The following SUCLG2 variants were observed in gnomAD, a reference collection of about 807,000 sequenced individuals.
SUCLG2 encodes succinate--CoA ligase [GDP-forming] subunit beta, mitochondrial.
SUCLG2 carries 42 observed loss-of-function variants against 47.9 expected under a neutral mutation model. The ratio of observed to expected loss-of-function variants is 0.88; its 90% CI spans 0.69 to 1.14. The LOEUF is 1.14. Among genes scored for constraint, SUCLG2 ranks in the 50% most tolerant of loss-of-function variants. The probability of loss-of-function intolerance (pLI) is 0.00; values close to 1 mark genes in which losing one functional copy is unlikely to be tolerated. For missense variants in SUCLG2, 571 were observed against 525.9 expected (o/e 1.09, Z -0.84); for synonymous variants, 195 against 197.3 (o/e 0.99, Z 0.10).
intron 9 of SUCLG2, among the ~76,000 whole-genome samples, chr3:67,464,038 T>G (rs1704404110): frequency 6.6e-6 from 1 of 152,248 alleles, no homozygotes; most frequent in Non-Finnish European, 1.5e-5. Context: ...TTTTCTCTTG[T>G]GACATACTAT....
chr3:67,627,391 T>C (rs1169651547), intron 1 of SUCLG2, among the ~76,000 whole-genome samples: 5 of 152,236 alleles, frequency 3.3e-5, no homozygotes, highest in African/African-American at 7.2e-5. Context: ...AAAATACTTT[T>C]ACTTGGATAT....
intron 1 of SUCLG2, among the ~76,000 whole-genome samples, chr3:67,620,643 C>A (rs116225090): frequency 0.027 from 4,038 of 150,678 alleles, 82 homozygotes; most frequent in Middle Eastern, 0.062. Flanking sequence ...ACATGATGAG[C>A]TGTGCAGGCC....
At chr3:67,515,874 T>C (rs985377254) in intron 6 of SUCLG2, among the ~76,000 whole-genome samples, 15 of 152,138 alleles carry the variant, frequency 9.9e-5, no homozygotes, top group African/African-American at 3.6e-4. Flanking sequence ...CCTTCTACTG[T>C]AGAAATACAC....
At chr3:67,531,966 G>C (rs2107153249) in intron 2 of SUCLG2, among the ~76,000 whole-genome samples, 1 of 151,928 alleles carries the variant, frequency 6.6e-6, no homozygotes, top group African/African-American at 2.4e-5. Context: ...TCAAATTTCT[G>C]TTTTTATTTA....
intron 9 of SUCLG2, among the ~76,000 whole-genome samples, chr3:67,429,014 T>A (rs11925124): frequency 0.029 from 4,377 of 152,204 alleles, 210 homozygotes; most frequent in African/African-American, 0.1. Context: ...GGAACCAAGT[T>A]GGAAAACACT....
At chr3:67,605,455 T>G (rs1700391978) in intron 2 of SUCLG2, among the ~76,000 whole-genome samples, 1 of 152,132 alleles carries the variant, frequency 6.6e-6, no homozygotes, top group African/African-American at 2.4e-5. Flanking sequence ...TCCCCTTAGA[T>G]CAAAACTATT....
At position 67,374,873 on chromosome 3, in the gene SUCLG2, A is replaced by G. The variant is rs895715837; in HGVS notation, c.*871T>C. The G allele has an allele frequency of 2.0e-5, 20 of 985,256 alleles. No individual in the cohort carries two copies. The African/African-American group carries it at 3.1e-4, about 16-fold the overall frequency. 61.0% of individuals were successfully genotyped at this position (985,256 alleles called of 1,614,324 possible). On this transcript the variant is annotated 3_prime_UTR_variant, in exon 11 of 11. Coordinates refer to ENST00000307227, the MANE Select transcript of SUCLG2 (RefSeq NM_003848.4). ...AATAAGGTTCCCATCTTTCTACCAT[A>G]AACTGGTAGATTCTGGGAGGATGAG...
intron 2 of SUCLG2, among the ~76,000 whole-genome samples, chr3:67,549,402 A>G (rs767914398): frequency 6.6e-6 from 1 of 152,246 alleles, no homozygotes; most frequent in African/African-American, 2.4e-5. Context: ...ACCACCAGAA[A>G]GTACTTAGAA....
At position 67,652,617 on chromosome 3, in the gene SUCLG2, G is replaced by A. The variant is rs80196422; in HGVS notation, c.84+1886C>T. ...ATAAAAATGTGTCAGTGGTGCTAAT[G>A]ACTTGGATGTTATATAGTTACTACT... On this transcript the variant is annotated intron_variant, in intron 1 of 10. Coordinates refer to ENST00000307227, the MANE Select transcript of SUCLG2 (RefSeq NM_003848.4). Among the ~76,000 whole-genome samples, 232 of 152,326 alleles carry A rather than the reference G, an allele frequency of 1.5e-3. 2 individuals are homozygous for A. The East Asian group carries it at 0.037, about 24-fold the overall frequency.
chr3:67,376,982 C>A (rs929993675), intron 10 of SUCLG2, among the ~76,000 whole-genome samples: 2 of 152,180 alleles, frequency 1.3e-5, no homozygotes, highest in African/African-American at 2.4e-5. Context: ...CTTCTTTGAG[C>A]CTTAACTTTT....
intron 10 of SUCLG2, among the ~76,000 whole-genome samples, chr3:67,394,696 G>A (rs933815055): frequency 1.4e-4 from 21 of 151,100 alleles, no homozygotes; most frequent in African/African-American, 4.9e-4. Context: ...TCCTCGAGAA[G>A]AGCAACTCCA....
chr3:67,375,251 T>G lies in SUCLG2; in HGVS notation c.*493A>C. On this transcript the variant is annotated 3_prime_UTR_variant, in exon 11 of 11. Transcript: ENST00000307227. ...GCAGTAGTGTGTAATAGCTATTTGCTTGAATGTCTTAGCAGTGCCTTTTTA... is the reference window on the plus strand; with the variant it reads ...GCAGTAGTGTGTAATAGCTATTTGCGTGAATGTCTTAGCAGTGCCTTTTTA... 1.0e-6 allele frequency: 1 copy of G among 985,890 alleles called. No individual in the cohort carries two copies. The highest frequency in any genetic ancestry group is 1.2e-6 in the Non-Finnish European group (1 of 829,938). The allele number at this position is 985,890 out of a possible 1,614,324, so 61.1% of individuals were successfully genotyped here.
intron 2 of SUCLG2, among the ~76,000 whole-genome samples, chr3:67,573,574 T>G (rs1328851620): frequency 6.6e-6 from 1 of 152,082 alleles, no homozygotes; most frequent in Non-Finnish European, 1.5e-5. Context: ...AAAATCAAGG[T>G]ATTAGTGAGA....
intron 2 of SUCLG2, among the ~76,000 whole-genome samples, chr3:67,539,182 A>G (rs746407672): frequency 2.6e-5 from 4 of 152,132 alleles, no homozygotes; most frequent in Non-Finnish European, 5.9e-5. Context: ...TCAATATGAT[A>G]TTGGCTGTGG....
At chr3:67,649,086 A>T (rs1017469395) in intron 1 of SUCLG2, among the ~76,000 whole-genome samples, 2 of 152,232 alleles carry the variant, frequency 1.3e-5, no homozygotes. Context: ...TAAGGTAATT[A>T]GGAAAAAGCC....
chr3:67,497,317 C>T lies in SUCLG2; in HGVS notation c.919+817G>A, dbSNP rs1035845559. Among the ~76,000 whole-genome samples, 3 of 152,076 alleles carry T rather than the reference C, an allele frequency of 2.0e-5. No homozygotes were observed. The East Asian group carries it at 5.8e-4, about 29-fold the overall frequency. On this transcript the variant is annotated intron_variant, in intron 8 of 10. Transcript: ENST00000307227. Reference sequence around the variant, plus strand: ...TATTTTAATTCCATTAAGATTAAGACCTCAGTTTCCAGTACAATGAATTGA... The same window carrying T: ...TATTTTAATTCCATTAAGATTAAGATCTCAGTTTCCAGTACAATGAATTGA...
chr3:67,561,584 A>C (rs1249003852), intron 2 of SUCLG2, among the ~76,000 whole-genome samples: 1 of 152,186 alleles, frequency 6.6e-6, no homozygotes, highest in African/African-American at 2.4e-5. Context: ...TCCAGCAAAA[A>C]TAAATATTTA....
chr3:67,527,393 T>C (rs1431059361), intron 4 of SUCLG2, among the ~76,000 whole-genome samples: 1 of 152,236 alleles, frequency 6.6e-6, no homozygotes, highest in African/African-American at 2.4e-5. Flanking sequence ...TATAGCTGTC[T>C]TGAAATTTTA....
chr3:67,396,399 C>T (rs1305107193), intron 10 of SUCLG2, among the ~76,000 whole-genome samples: 19 of 152,120 alleles, frequency 1.2e-4, no homozygotes, highest in Non-Finnish European at 1.8e-4. Context: ...AACACCTCTA[C>T]GCAAATAAAC....
Sources: gnomAD v4.1 joint callset for allele counts (sites outside exome capture counted in the v4.1 genomes callset) on GRCh38, gnomAD v4.1.1 for gene constraint, MANE v1.5 for transcripts, NCBI Gene and HGNC (gene_info 2026-07-23, HGNC 2026-07-21) for gene names.